WARS2: variants seen among roughly 807,000 people sequenced by gnomAD.
WARS2 encodes tryptophan--tRNA ligase, mitochondrial.
In WARS2, 28 loss-of-function variants were observed where a neutral mutation model predicts 36.5. The observed-to-expected ratio is 0.77, with a 90% CI of 0.57 to 1.05. WARS2 has a LOEUF of 1.05. WARS2 is among the 50% of genes least tolerant of loss of function. WARS2 has a pLI of 0.00. For missense variants in WARS2, 435 were observed against 456.8 expected, an observed-to-expected ratio of 0.95 and a Z score of 0.44; for synonymous variants, 174 against 178.4, an observed-to-expected ratio of 0.98 and a Z score of 0.20.
chr1:119,085,369 G>C, intron 1 of WARS2: 1 of 1,376,178 alleles, frequency 7.3e-7, no homozygotes. Context: ...TTAGGGCCAG[G>C]GTTGTCCTCT....
rs587745035 is a variant in WARS2 at position 119,140,618 on chromosome 1, C to A, written c.27G>T (p.Ala9=). ...CCCGGATGAAGCTCCAGCGCTCACGCGCTTTCCGCATTGAGTGCAGCGCCA... is the reference window on the plus strand; with the variant it reads ...CCCGGATGAAGCTCCAGCGCTCACGAGCTTTCCGCATTGAGTGCAGCGCCA... MALHSMRK[A]RERWSFIRAL... The change falls in exon 1 of 6, where the codon GCG becomes GCT. Residue 9 remains alanine (A), a synonymous_variant. Coordinates refer to ENST00000235521, the MANE Select transcript of WARS2 (RefSeq NM_015836.4). 9 of 1,613,748 alleles carry A rather than the reference C, an allele frequency of 5.6e-6. No homozygotes were observed. In the Admixed American group the frequency reaches 1.2e-4, roughly 21 times the overall value.
rs1224519681 is a variant in WARS2, at chr1:119,032,471, C to A, written c.*440G>T. On this transcript the variant is annotated 3_prime_UTR_variant, in exon 6 of 6. Coordinates refer to ENST00000235521, the MANE Select transcript of WARS2 (RefSeq NM_015836.4). ...ATGAGCTCTGAATACAAATTGGCAT[C>A]TGATCAAATGGCATCTCAAGGATTA... 1 of 156,086 alleles carries A rather than the reference C, an allele frequency of 6.4e-6. No homozygotes were observed. Among genetic ancestry groups the A allele is most frequent in the African/African-American group, 2.4e-5 (1 of 41,534 alleles). 9.7% of individuals were successfully genotyped at this position (156,086 alleles called of 1,614,324 possible).
chr1:119,036,603 C>A (rs1181090142), intron 4 of WARS2, among the ~76,000 whole-genome samples: 1 of 152,200 alleles, frequency 6.6e-6, no homozygotes, highest in Non-Finnish European at 1.5e-5. Flanking sequence ...ACAGAAAAAA[C>A]AATTACCATA....
At chr1:119,041,237 C>A (rs1365031758) in intron 4 of WARS2, among the ~76,000 whole-genome samples, 5 of 152,174 alleles carry the variant, frequency 3.3e-5, no homozygotes, top group African/African-American at 1.2e-4. Flanking sequence ...GGTGCAGTGT[C>A]TTCTTTTCCC....
chr1:119,042,394 A>C, intron 3 of WARS2, 45 bp from the exon 4 acceptor site: 1 of 1,575,996 alleles, frequency 6.3e-7, no homozygotes, highest in Non-Finnish European at 8.7e-7. Flanking sequence ...CTGAAATCTG[A>C]CTTGAACCTA....
Position 119,045,592 on chromosome 1 carries a change from T to C in WARS2, c.419A>G (p.His140Arg), listed in dbSNP as rs202065166. Residue 140 changes from histidine to arginine, a missense_variant, in exon 3 of 6, where the codon CAT becomes CGT. His to Arg is a conservative substitution (Grantham distance 29, BLOSUM62 0). Transcript: ENST00000235521. ...ATTACTGGCATTTACCTTCCACTGA[T>C]GTAAATGTTGTAATCGAGGTAGTCT... ...MVRLPRLQHL[H>R]QWKAKTTKQK... The C allele has an allele frequency of 6.3e-7, 1 of 1,592,694 alleles. No individual in the cohort carries two copies. The highest frequency in any genetic ancestry group is 8.6e-7 in the Non-Finnish European group (1 of 1,165,816).
intron 4 of WARS2, among the ~76,000 whole-genome samples, chr1:119,035,701 C>G (rs1456902099): frequency 6.6e-6 from 1 of 152,130 alleles, no homozygotes; most frequent in Non-Finnish European, 1.5e-5. Context: ...AGTCACAGAC[C>G]TGGGCAGTGA....
At chr1:119,115,845 A>C (rs587769023) in intron 1 of WARS2, among the ~76,000 whole-genome samples, 21 of 152,280 alleles carry the variant, frequency 1.4e-4, no homozygotes, top group Admixed American at 6.5e-4. Context: ...AATATTCTGG[A>C]AAGCTTTTTT....
intron 3 of WARS2, 145 bp from the exon 4 acceptor site, chr1:119,042,494 C>T: frequency 3.0e-6 from 2 of 665,990 alleles, no homozygotes; most frequent in South Asian, 3.7e-5. Flanking sequence ...TCCTTTTTAG[C>T]AACTCTAGCC....
At chr1:119,080,053 A>G (rs1297158213) in intron 1 of WARS2, among the ~76,000 whole-genome samples, 3 of 152,208 alleles carry the variant, frequency 2.0e-5, no homozygotes, top group African/African-American at 7.2e-5. Context: ...CCAGCTCTGG[A>G]TTCCTGATAT....
intron 1 of WARS2, chr1:119,126,562 G>A: frequency 1.6e-6 from 1 of 619,454 alleles, no homozygotes; most frequent in Non-Finnish European, 2.9e-6. Context: ...TGGACTAGTG[G>A]TTCATATCCA....
rs587652240 is a variant in WARS2 at position 119,122,334 on chromosome 1, C to G, written c.90+18221G>C. Reference sequence around the variant, plus strand: ...TTATCAGCTAAATGCAAATCAAAACCACAATGTGATACCACCTTACTCCTG... The same window carrying G: ...TTATCAGCTAAATGCAAATCAAAACGACAATGTGATACCACCTTACTCCTG... On this transcript the variant is annotated intron_variant, in intron 1 of 5. Coordinates refer to ENST00000235521, the MANE Select transcript of WARS2 (RefSeq NM_015836.4). 2.0e-5 allele frequency among the ~76,000 whole-genome samples: 3 copies of G among 152,152 alleles called. No homozygotes were observed. In the East Asian group the frequency reaches 5.8e-4, roughly 29 times the overall value.
intron 2 of WARS2, among the ~76,000 whole-genome samples, chr1:119,074,170 C>T (rs1177970250): frequency 1.3e-5 from 2 of 152,202 alleles, no homozygotes; most frequent in African/African-American, 4.8e-5. Flanking sequence ...TAATGATGAA[C>T]AGCTCTCCAA....
chr1:119,036,963 T>A (rs1045939550), intron 4 of WARS2, among the ~76,000 whole-genome samples: 1 of 152,202 alleles, frequency 6.6e-6, no homozygotes, highest in Non-Finnish European at 1.5e-5. Context: ...TCCATTGAGT[T>A]TACACTTTAC....
intron 1 of WARS2, among the ~76,000 whole-genome samples, chr1:119,124,600 G>A (rs778196315): frequency 1.6e-4 from 25 of 152,192 alleles, no homozygotes; most frequent in Admixed American, 4.6e-4. Flanking sequence ...ACCACTCACC[G>A]TAGTCCAAGC....
chr1:119,034,073 C>T, intron 5 of WARS2, 22 bp downstream of exon 5: 1 of 1,594,190 alleles, frequency 6.3e-7, no homozygotes. Context: ...CCTGATGTAA[C>T]AATTATAAGT....
At chr1:119,083,312 C>T (rs1652357284) in intron 1 of WARS2, among the ~76,000 whole-genome samples, 1 of 152,180 alleles carries the variant, frequency 6.6e-6, no homozygotes, top group African/African-American at 2.4e-5. Context: ...TGTAAGGACA[C>T]AGCATTCCTC....
chr1:119,039,852 T>C (rs1648198476), intron 4 of WARS2, among the ~76,000 whole-genome samples: 1 of 151,974 alleles, frequency 6.6e-6, no homozygotes, highest in Non-Finnish European at 1.5e-5. Flanking sequence ...AGGTCACACA[T>C]AGATTTGCTG....
intron 2 of WARS2, among the ~76,000 whole-genome samples, chr1:119,074,333 C>A (rs1194529194): frequency 6.6e-6 from 1 of 152,152 alleles, no homozygotes; most frequent in Non-Finnish European, 1.5e-5. Flanking sequence ...GGGTAAGATA[C>A]AAATGGTACA....
Sources: allele counts gnomAD v4.1 joint callset (sites outside exome capture counted in the v4.1 genomes callset), GRCh38; gene constraint gnomAD v4.1.1; transcripts MANE v1.5; gene names NCBI Gene and HGNC (gene_info 2026-07-23, HGNC 2026-07-21).